MCFD2: variants seen among roughly 807,000 people sequenced by gnomAD.
MCFD2 encodes multiple coagulation factor deficiency protein 2.
A neutral mutation model predicts 12.8 loss-of-function variants in MCFD2; 11 were observed. The observed-to-expected ratio is 0.86, with a 90% CI of 0.54 to 1.42. The LOEUF is 1.42. Among genes scored for constraint, MCFD2 ranks in the 40% most tolerant of loss-of-function variants. MCFD2 has a pLI of 0.00. For synonymous variants in MCFD2, 70 were observed against 68.1 expected (o/e 1.03, Z -0.14); for missense variants, 191 against 178.6 (o/e 1.07, Z -0.40).
At chr2:46,916,021 G>A (rs190052710), upstream of MCFD2, 35 of 985,466 alleles carry the variant, frequency 3.6e-5, no homozygotes, top group African/African-American at 5.8e-4. Flanking sequence ...CTCCAGTTGG[G>A]CCGCTGGACG....
intron 1 of MCFD2, among the ~76,000 whole-genome samples, chr2:46,939,477 C>G (rs1670150278): frequency 6.6e-6 from 1 of 152,190 alleles, no homozygotes; most frequent in Admixed American, 6.5e-5. Context: ...CTGTTCCTCC[C>G]CACACTCCTT....
At position 46,909,159 on chromosome 2, in the gene MCFD2, A is replaced by T; in HGVS notation, c.13T>A (p.Ser5Thr). Residue 5 changes from serine (S) to threonine (T), a missense_variant, in exon 2 of 4, where the codon TCC becomes ACC. Physicochemically the swap from Ser to Thr is moderately conservative, Grantham distance 58. Coordinates refer to ENST00000319466, the MANE Select transcript of MCFD2 (RefSeq NM_139279.6). MTMR[S>T]LLRTPFLCGL... Reference sequence around the variant, plus strand: ...CACAGGAAGGGGGTTCTGAGCAGGGATCTCATGGTCATCAATATCTGTGAG... The same window carrying T: ...CACAGGAAGGGGGTTCTGAGCAGGGTTCTCATGGTCATCAATATCTGTGAG... 1 of 1,614,052 alleles carries T rather than the reference A, an allele frequency of 6.2e-7. No individual in the cohort carries two copies. Among genetic ancestry groups the T allele is most frequent in the Non-Finnish European group, 8.5e-7 (1 of 1,179,942 alleles).
In MCFD2 at chr2:46,902,288, A is replaced by G. The variant is rs1390272809; in HGVS notation, c.*3175T>C. 1.3e-5 allele frequency: 2 copies of G among 152,644 alleles called. No homozygotes were observed. The highest frequency in any genetic ancestry group is 2.4e-5 in the African/African-American group (1 of 41,458). The allele number at this position is 152,644 out of a possible 1,614,324, so 9.5% of individuals were successfully genotyped here. A position where few individuals can be genotyped will look rare whatever the true frequency, so the allele number is the denominator to read the frequency against. On this transcript the variant is annotated 3_prime_UTR_variant, in exon 4 of 4. Coordinates refer to ENST00000319466, the MANE Select transcript of MCFD2 (RefSeq NM_139279.6). ...ATCTAGGCTAAAAGAGGTAACTTCA[A>G]CAATATCCCTCTTGACTAGAACTTC...
intron 1 of MCFD2, chr2:46,910,750 C>G (rs1668453806): frequency 6.6e-6 from 1 of 152,148 alleles, no homozygotes; most frequent in Non-Finnish European, 1.5e-5. Flanking sequence ...TGTCTAACTT[C>G]CAGGATAGGC....
chr2:46,922,157 AG>A (rs1173967676), intron 1 of MCFD2, among the ~76,000 whole-genome samples: 1 of 152,064 alleles, frequency 6.6e-6, no homozygotes, highest in East Asian at 1.9e-4. Flanking sequence ...CAACAACTTT[AG>A]TTACTTATAG....
chr2:46,915,928 C>T (rs1572624566), upstream of MCFD2: 1 of 985,220 alleles, frequency 1.0e-6, no homozygotes, highest in Non-Finnish European at 1.2e-6. Context: ...CGCGTGAGTC[C>T]ACGTGTAATC....
intron 1 of MCFD2, among the ~76,000 whole-genome samples, chr2:46,913,317 G>C (rs576745460): frequency 6.6e-6 from 1 of 152,288 alleles, no homozygotes; most frequent in South Asian, 2.1e-4. Context: ...AGAGGCTGAG[G>C]CAAGTGAATC....
chr2:46,933,752 G>C (rs918991173), intron 1 of MCFD2, among the ~76,000 whole-genome samples: 2 of 152,242 alleles, frequency 1.3e-5, no homozygotes, highest in African/African-American at 4.8e-5. Flanking sequence ...GATCTGAGTG[G>C]CTGAAATGAC....
At chr2:46,932,230 A>T (rs960074062) in intron 1 of MCFD2, among the ~76,000 whole-genome samples, 3 of 151,754 alleles carry the variant, frequency 2.0e-5, no homozygotes, top group African/African-American at 7.3e-5. Context: ...GCTCACTGCA[A>T]CCTCTTCCTC....
chr2:46,915,806 G>GGGGGGGGGGGGGGCC, upstream of MCFD2: 7 of 512,578 alleles, frequency 1.4e-5, no homozygotes, highest in Non-Finnish European at 1.5e-5. Flanking sequence ...CCTCGGCTTC[G>GGGGGGGGGGGGGGCC]CCCCGCCCCC....
In MCFD2 at chr2:46,905,167, T is replaced by G; in HGVS notation, c.*296A>C. On this transcript the variant is annotated 3_prime_UTR_variant, in exon 4 of 4. Transcript: ENST00000319466. ...ACTGTAAGTCCAAGTAAACCTCTTT[T>G]TCTTCCCAGTCTCGGGTACGTCTTT... 2.6e-6 allele frequency: 1 copy of G among 388,692 alleles called. No individual in the cohort carries two copies. Among genetic ancestry groups the G allele is most frequent in the South Asian group, 2.3e-5 (1 of 43,156 alleles). The allele number at this position is 388,692 out of a possible 1,614,324, so 24.1% of individuals were successfully genotyped here.
rs147861994 is a variant in MCFD2, at chr2:46,907,891, G to A, written c.228C>T (p.Tyr76=). Reference sequence around the variant, plus strand: ...TGCCATCATAATCATGCATTTTGAAGTAATGGAGCTGCAATTCTTGTGGCG... The same window carrying A: ...TGCCATCATAATCATGCATTTTGAAATAATGGAGCTGCAATTCTTGTGGCG... ...EMSPQELQLH[Y]FKMHDYDGNN... is the part of the protein sequence containing the mutation. The change falls in exon 3 of 4, where the codon TAC becomes TAT. Residue 76 remains tyrosine, a synonymous_variant. Transcript: ENST00000319466. The surrounding 1 kb of genome is among the most constrained non-coding windows in gnomAD (Gnocchi z 4.1). The A allele has an allele frequency of 5.0e-6, 8 of 1,614,218 alleles. No homozygotes were observed. The highest frequency in any genetic ancestry group is 1.7e-5 in the Admixed American group (1 of 60,024).
At chr2:46,913,668 T>C (rs1668575482) in intron 1 of MCFD2, 1 of 152,308 alleles carries the variant, frequency 6.6e-6, no homozygotes, top group African/African-American at 2.4e-5. Context: ...AGGAGAAATT[T>C]CTGCAAAGGG....
chr2:46,921,279 G>A lies in MCFD2; in HGVS notation c.-7-13310C>T, dbSNP rs116117773. Among the ~76,000 whole-genome samples the A allele has an allele frequency of 7.6e-3, 1,154 of 152,178 alleles. 5 individuals carry two copies. Among genetic ancestry groups the A allele is most frequent in the South Asian group, 0.013 (61 of 4,820 alleles). ...ATGCACATAGAAAATCCTAAATAAC[G>A]TAGAAAAAAGCTACTAGAGCTATTG... On this transcript the variant is annotated intron_variant, in intron 1 of 2. Transcript: ENST00000409147.
intron 1 of MCFD2, among the ~76,000 whole-genome samples, chr2:46,922,508 G>C (rs769113114): frequency 3.3e-5 from 5 of 151,796 alleles, no homozygotes; most frequent in Non-Finnish European, 7.4e-5. Context: ...AGTGCGGGCA[G>C]AGTGTAATTA....
At chr2:46,915,182 T>A (rs921537669) in intron 1 of MCFD2, among the ~76,000 whole-genome samples, 1 of 152,104 alleles carries the variant, frequency 6.6e-6, no homozygotes, top group Admixed American at 6.5e-5. Context: ...GACTGGAGAA[T>A]GAACGTATCC....
chr2:46,939,241 C>CT (rs1670131974), intron 1 of MCFD2, among the ~76,000 whole-genome samples: 1 of 152,090 alleles, frequency 6.6e-6, no homozygotes, highest in Non-Finnish European at 1.5e-5. Flanking sequence ...ACAATAGCCT[C>CT]TAAAACAAGT....
chr2:46,913,392 A>AAGAG (rs371469358), intron 1 of MCFD2, among the ~76,000 whole-genome samples: 3 of 151,334 alleles, frequency 2.0e-5, no homozygotes, highest in Admixed American at 1.3e-4. Context: ...TAATTAGAAA[A>AAGAG]AGAGAGAGAG....
intron 1 of MCFD2, among the ~76,000 whole-genome samples, chr2:46,921,255 T>C (rs1376112123): frequency 6.6e-6 from 1 of 152,230 alleles, no homozygotes; most frequent in Admixed American, 6.5e-5. Context: ...AATATGATCA[T>C]GCACATAGAA....
Sources: gnomAD v4.1 joint callset for allele counts (sites outside exome capture counted in the v4.1 genomes callset) on GRCh38, gnomAD v4.1.1 for gene constraint, Gnocchi (gnomAD v3.1) non-coding constraint, MANE v1.5 for transcripts, NCBI Gene and HGNC (gene_info 2026-07-23, HGNC 2026-07-21) for gene names.